The following NRXN1 variants were observed in gnomAD, a reference collection of about 807,000 sequenced individuals.
NRXN1 encodes neurexin 1.
Under a neutral mutation model 150.9 loss-of-function variants are expected in NRXN1, and 39 were observed. That is an observed-to-expected ratio of 0.26 (90% CI 0.20 to 0.34). The LOEUF (loss-of-function observed/expected upper bound fraction) is 0.34. Ranked by LOEUF, NRXN1 falls within the 10% of genes least tolerant of loss-of-function variation. NRXN1 has a pLI of 1.00. For missense variants in NRXN1, 1,815 were observed against 1,949.9 expected (o/e 0.93, Z 1.30); for synonymous variants, 924 against 757.0 (o/e 1.22, Z -3.62).
At chr2:50,097,404 A>C (rs968960365) in intron 18 of NRXN1, among the ~76,000 whole-genome samples, 5 of 152,296 alleles carry the variant, frequency 3.3e-5, no homozygotes, top group African/African-American at 1.2e-4. Context: ...GAATACAGAA[A>C]GACTCCCATA....
At chr2:50,967,563 G>A (rs1436831227) in intron 2 of NRXN1, among the ~76,000 whole-genome samples, 2 of 152,070 alleles carry the variant, frequency 1.3e-5, no homozygotes, top group Non-Finnish European at 2.9e-5. Context: ...TAATCATTAA[G>A]AGCCCAAAAT....
chr2:50,117,914 C>CT (rs377633409), intron 18 of NRXN1, among the ~76,000 whole-genome samples: 99 of 152,124 alleles, frequency 6.5e-4, no homozygotes, highest in African/African-American at 2.2e-3. Context: ...AATGTAATTA[C>CT]TTTTTTTATG....
chr2:50,387,412 G>A (rs924346223), intron 17 of NRXN1, among the ~76,000 whole-genome samples: 4 of 151,976 alleles, frequency 2.6e-5, no homozygotes, highest in East Asian at 1.9e-4. Context: ...TCTCTCACTG[G>A]GACACTGTTC....
At chr2:50,117,679 T>C (rs749229895) in intron 18 of NRXN1, among the ~76,000 whole-genome samples, 3 of 151,954 alleles carry the variant, frequency 2.0e-5, no homozygotes, top group Non-Finnish European at 2.9e-5. Context: ...TTTAAGCAAC[T>C]GACTAGTGTG....
At chr2:50,112,503 G>A (rs769459491) in intron 18 of NRXN1, among the ~76,000 whole-genome samples, 1 of 152,160 alleles carries the variant, frequency 6.6e-6, no homozygotes, top group African/African-American at 2.4e-5. Flanking sequence ...ACATTTACTG[G>A]CTCAGTGCAT....
At chr2:50,323,732 C>G (rs1439005140) in intron 17 of NRXN1, among the ~76,000 whole-genome samples, 3 of 152,078 alleles carry the variant, frequency 2.0e-5, no homozygotes, top group Non-Finnish European at 4.4e-5. Flanking sequence ...CCTCTAAGTC[C>G]TTTTCCAAAA....
intron 18 of NRXN1, among the ~76,000 whole-genome samples, chr2:50,193,604 T>A (rs1160058009): frequency 6.6e-6 from 1 of 152,138 alleles, no homozygotes; most frequent in Admixed American, 6.6e-5. Context: ...TTGCCCTGAG[T>A]AAAGCTTTAT....
intron 19 of NRXN1, among the ~76,000 whole-genome samples, chr2:50,085,135 C>A (rs1194928858): frequency 6.6e-6 from 1 of 152,094 alleles, no homozygotes; most frequent in Admixed American, 6.5e-5. Flanking sequence ...TTAATGATTT[C>A]CAATGGAAAC....
intron 5 of NRXN1, among the ~76,000 whole-genome samples, chr2:50,774,314 A>C (rs1703347458): frequency 6.6e-6 from 1 of 152,170 alleles, no homozygotes; most frequent in African/African-American, 2.4e-5. Flanking sequence ...AACTCAAATG[A>C]AATGGTCTAA....
chr2:50,575,812 T>C (rs931400692), intron 8 of NRXN1, among the ~76,000 whole-genome samples: 1 of 152,154 alleles, frequency 6.6e-6, no homozygotes, highest in Non-Finnish European at 1.5e-5. Flanking sequence ...CATGCTTCCC[T>C]TTTACAGTAG....
chr2:50,678,005 A>G (rs957067453), intron 5 of NRXN1, among the ~76,000 whole-genome samples: 23 of 152,152 alleles, frequency 1.5e-4, no homozygotes, highest in African/African-American at 5.3e-4. Context: ...AAATTCTATC[A>G]TCTTAGCATT....
chr2:50,518,687 A>T (rs2092696577), intron 12 of NRXN1, among the ~76,000 whole-genome samples: 1 of 151,882 alleles, frequency 6.6e-6, no homozygotes, highest in Non-Finnish European at 1.5e-5. Flanking sequence ...ATGTCTAAAT[A>T]CACCACTGTA....
chr2:50,251,006 ATG>A (rs201109604), intron 17 of NRXN1, among the ~76,000 whole-genome samples: 6 of 119,648 alleles, frequency 5.0e-5, no homozygotes, highest in African/African-American at 9.6e-5. Context: ...CACATTGCAT[ATG>A]TGTAATATTA....
intron 21 of NRXN1, among the ~76,000 whole-genome samples, chr2:50,013,861 C>T (rs928269008): frequency 6.6e-6 from 1 of 152,050 alleles, no homozygotes; most frequent in African/African-American, 2.4e-5. Context: ...GAAATTACAT[C>T]ATTTGGGTAC....
At chr2:50,657,742 T>A (rs1333849281) in intron 5 of NRXN1, among the ~76,000 whole-genome samples, 1 of 152,022 alleles carries the variant, frequency 6.6e-6, no homozygotes, top group Non-Finnish European at 1.5e-5. Context: ...TCTTTTCAAT[T>A]CTTTTATGCT....
intron 8 of NRXN1, among the ~76,000 whole-genome samples, chr2:50,583,698 C>G (rs1047862850): frequency 6.6e-6 from 1 of 152,180 alleles, no homozygotes; most frequent in African/African-American, 2.4e-5. Flanking sequence ...ATATTATATT[C>G]AAGGTTCACA....
At chr2:50,434,681 T>C (rs553727674) in intron 17 of NRXN1, among the ~76,000 whole-genome samples, 47 of 152,326 alleles carry the variant, frequency 3.1e-4, no homozygotes, top group African/African-American at 1.1e-3. Context: ...TTAAAAAAAA[T>C]TTCTTTGTTC....
intron 17 of NRXN1, among the ~76,000 whole-genome samples, chr2:50,253,839 T>A (rs1227111926): frequency 2.0e-5 from 3 of 151,386 alleles, no homozygotes; most frequent in Non-Finnish European, 4.4e-5. Context: ...GATTTTTGCA[T>A]CAGTGTTCAT....
At chr2:50,668,486 G>C (rs953892264) in intron 5 of NRXN1, among the ~76,000 whole-genome samples, 9 of 151,984 alleles carry the variant, frequency 5.9e-5, no homozygotes, top group South Asian at 2.1e-4. Context: ...AGAAGAAAAT[G>C]CATTGATTAT....
Sources: allele counts gnomAD v4.1 joint callset (sites outside exome capture counted in the v4.1 genomes callset), GRCh38; gene constraint gnomAD v4.1.1; transcripts MANE v1.5; gene names NCBI Gene and HGNC (gene_info 2026-07-23, HGNC 2026-07-21).